Variants in WDR43 observed in about 807,000 individuals in gnomAD.
WDR43 encodes WD repeat domain 43.
WDR43 carries 13 observed loss-of-function variants against 91.4 expected under a neutral mutation model. The ratio of observed to expected loss-of-function variants is 0.14; its 90% CI spans 0.09 to 0.23. The LOEUF is 0.23. Among genes scored for constraint, WDR43 ranks in the 10% least tolerant of loss-of-function variants. WDR43 has a pLI of 1.00. For missense variants in WDR43, 780 were observed against 809.4 expected (o/e 0.96, Z 0.44); for synonymous variants, 331 against 287.9 (o/e 1.15, Z -1.51).
At chr2:28,913,566 T>C in intron 4 of WDR43, 1 of 440,510 alleles carries the variant, frequency 2.3e-6, no homozygotes, top group East Asian at 6.0e-5. Context: ...CTAGCCTACA[T>C]CCAGCATTTA....
intron 1 of WDR43, among the ~76,000 whole-genome samples, chr2:28,899,010 G>A (rs1024293685): frequency 6.6e-6 from 1 of 151,706 alleles, no homozygotes; most frequent in African/African-American, 2.4e-5. Context: ...GCTGATGATG[G>A]ATCAAATGCT....
intron 1 of WDR43, among the ~76,000 whole-genome samples, chr2:28,901,320 TGAAA>T (rs1290174180): frequency 1.3e-5 from 2 of 152,246 alleles, no homozygotes; most frequent in Non-Finnish European, 2.9e-5. Context: ...ACTTTTGAAA[TGAAA>T]GAAGTCTTGT....
chr2:28,895,728 TGTCAGGTAA>T (rs2148174777), intron 1 of WDR43: 1 of 152,344 alleles, frequency 6.6e-6, no homozygotes, highest in Admixed American at 6.5e-5. Context: ...TAGGGACCCG[TGTCAGGTAA>T]ATGCCTTTCA....
In WDR43 at chr2:28,920,494, C is replaced by G. The variant is rs538568232; in HGVS notation, c.850-2425C>G. On this transcript the variant is annotated intron_variant, in intron 6 of 17. Coordinates refer to ENST00000407426, the MANE Select transcript of WDR43 (RefSeq NM_015131.3). ...CTGCCCACCTTGGCCTCCCAAAGTG[C>G]TAGGATTACAGGCATAAGCCACCCC... 1.1e-4 allele frequency among the ~76,000 whole-genome samples: 16 copies of G among 151,894 alleles called. No homozygotes were observed. The South Asian group carries it at 3.1e-3, about 30-fold the overall frequency.
intron 14 of WDR43, among the ~76,000 whole-genome samples, chr2:28,939,851 T>C (rs1671400624): frequency 6.6e-6 from 1 of 152,162 alleles, no homozygotes; most frequent in African/African-American, 2.4e-5. Flanking sequence ...CTCACACCTG[T>C]AATCCCTGCA....
intron 6 of WDR43, among the ~76,000 whole-genome samples, chr2:28,919,331 GA>G (rs1670977055): frequency 6.6e-6 from 1 of 152,128 alleles, no homozygotes; most frequent in African/African-American, 2.4e-5. Flanking sequence ...GGGGGCCATT[GA>G]TGATCAGATC....
chr2:28,923,138 G>C (rs2148190223), intron 7 of WDR43, among the ~76,000 whole-genome samples, 155 bp downstream of exon 7: 2 of 152,304 alleles, frequency 1.3e-5, no homozygotes, highest in Middle Eastern at 6.8e-3. Context: ...TACATTGCCA[G>C]TTAAAACTGG....
Position 28,894,707 on chromosome 2 carries a change from GGGC to G in WDR43, c.18_20del (p.Gly7del), listed in dbSNP as rs1558364360. 1.8e-5 allele frequency: 28 copies of G among 1,559,284 alleles called. No homozygotes were observed. Among genetic ancestry groups the G allele is most frequent in the Non-Finnish European group, 2.4e-5 (28 of 1,152,694 alleles). Reference sequence around the variant, plus strand: ...GCGGGGCCAGAGCAGCAATGGCGGCGGGCGGCGGCGGTAGCTGCGACCCCCTGG... The same window carrying G: ...GCGGGGCCAGAGCAGCAATGGCGGCGGGCGGCGGTAGCTGCGACCCCCTGG... On this transcript the variant is annotated inframe_deletion, in exon 1 of 18. Transcript: ENST00000407426.
In WDR43 at chr2:28,942,346, C is replaced by T. The variant is rs779552686; in HGVS notation, c.1769C>T (p.Ser590Phe). 1.9e-6 allele frequency: 3 copies of T among 1,613,490 alleles called. No individual in the cohort carries two copies. Among genetic ancestry groups the T allele is most frequent in the Non-Finnish European group, 2.5e-6 (3 of 1,179,670 alleles). ...TCAGAGAAGACAAAGGGAGCAACTT[C>T]CCCTGGACAGAAGGCAAAGTTGGTG... ...TASEKTKGAT[S>F]PGQKAKLVYE... The change falls in exon 16 of 18, where the codon TCC (serine) becomes TTC (phenylalanine). Residue 590 changes from serine to phenylalanine, a missense_variant. Coordinates refer to ENST00000407426, the MANE Select transcript of WDR43 (RefSeq NM_015131.3).
At chr2:28,941,055 G>A (rs960696015) in intron 14 of WDR43, among the ~76,000 whole-genome samples, 7 of 152,174 alleles carry the variant, frequency 4.6e-5, no homozygotes, top group Admixed American at 2.6e-4. Context: ...TACAGTAAGG[G>A]TAGATAATAT....
intron 1 of WDR43, 41 bp downstream of exon 1, chr2:28,894,964 G>C: frequency 6.8e-7 from 1 of 1,480,084 alleles, no homozygotes; most frequent in Non-Finnish European, 9.0e-7. Context: ...GCCTTCCCGG[G>C]CTCGGCTTCG....
In WDR43 at chr2:28,912,593, A is replaced by G. The variant is rs373002042; in HGVS notation, c.489A>G (p.Lys163=). 1 of 1,613,472 alleles carries G rather than the reference A, an allele frequency of 6.2e-7. No homozygotes were observed. Among genetic ancestry groups the G allele is most frequent in the South Asian group, 1.1e-5 (1 of 91,014 alleles). Residue 163 remains lysine, a synonymous_variant, in exon 4 of 18, where the codon AAA becomes AAG. Coordinates refer to ENST00000407426, the MANE Select transcript of WDR43 (RefSeq NM_015131.3). ...TTTTTTTCTCTTCACAATATAGCAA[A>G]TGGAAAGGCGACAATAGCAGTGTCA... The part of the protein sequence containing the change: ...WNVQTCKVKC[K]WKGDNSSVSS...
At chr2:28,901,333 G>A (rs997109136) in intron 1 of WDR43, among the ~76,000 whole-genome samples, 1 of 152,212 alleles carries the variant, frequency 6.6e-6, no homozygotes, top group South Asian at 2.1e-4. Context: ...AAGAAGTCTT[G>A]TGGCATTTGC....
intron 6 of WDR43, among the ~76,000 whole-genome samples, chr2:28,919,824 C>T (rs2148188239): frequency 6.6e-6 from 1 of 152,186 alleles, no homozygotes; most frequent in Non-Finnish European, 1.5e-5. Context: ...TTGGTATTTT[C>T]CCCTATAACT....
intron 16 of WDR43, among the ~76,000 whole-genome samples, chr2:28,946,219 G>A (rs1400819829): frequency 7.2e-5 from 11 of 151,896 alleles, no homozygotes; most frequent in Non-Finnish European, 1.5e-4. Flanking sequence ...TGAGGCAGGA[G>A]CCTGAGGCTT....
chr2:28,930,464 T>C (rs1671218616), intron 11 of WDR43, among the ~76,000 whole-genome samples: 1 of 152,254 alleles, frequency 6.6e-6, no homozygotes, highest in Non-Finnish European at 1.5e-5. Context: ...AATGTGACTT[T>C]AATCCATAAC....
At chr2:28,926,407 T>C (rs1027250008) in intron 8 of WDR43, 61 bp from the exon 9 acceptor site, 45 of 1,290,504 alleles carry the variant, frequency 3.5e-5, no homozygotes, top group Non-Finnish European at 4.7e-5. Context: ...AGTTGCTTTG[T>C]TTGACACTCT....
intron 1 of WDR43, among the ~76,000 whole-genome samples, chr2:28,897,857 G>C (rs548630614): frequency 6.6e-6 from 1 of 152,124 alleles, no homozygotes; most frequent in African/African-American, 2.4e-5. Flanking sequence ...GTTTTTAGAG[G>C]GTTTTTGTAC....
At chr2:28,903,245 G>T (rs569882725) in intron 2 of WDR43, among the ~76,000 whole-genome samples, 1 of 151,838 alleles carries the variant, frequency 6.6e-6, no homozygotes, top group Non-Finnish European at 1.5e-5. Context: ...ACCATTTAGG[G>T]GTTTCCAGAT....
Sources: allele counts gnomAD v4.1 joint callset (sites outside exome capture counted in the v4.1 genomes callset), GRCh38; gene constraint gnomAD v4.1.1; transcripts MANE v1.5; gene names NCBI Gene and HGNC (gene_info 2026-07-23, HGNC 2026-07-21).